Variants in MRPL44 observed in about 807,000 individuals in gnomAD.
MRPL44 encodes the protein large ribosomal subunit protein mL44.
MRPL44 carries 21 observed loss-of-function variants against 25.9 expected under a neutral mutation model. The ratio of observed to expected loss-of-function variants is 0.81; its 90% CI spans 0.58 to 1.17. The LOEUF (loss-of-function observed/expected upper bound fraction) is 1.17, where lower values mean the gene tolerates loss of function less well. MRPL44 is among the 50% of genes most tolerant of loss of function. The pLI, the probability that MRPL44 is intolerant of heterozygous loss-of-function variation, is 0.00. For synonymous variants in MRPL44, 169 were observed against 151.0 expected (o/e 1.12, Z -0.87); for missense variants, 410 against 398.9 (o/e 1.03, Z -0.24).
At chr2:223,956,663 G>A (rs1339219808), upstream of MRPL44, among the ~76,000 whole-genome samples, 2 of 152,238 alleles carry the variant, frequency 1.3e-5, no homozygotes, top group African/African-American at 4.8e-5. Context: ...CTTTAACAAA[G>A]AGATCACAGA....
intron 2 of MRPL44, among the ~76,000 whole-genome samples, chr2:223,960,571 A>T (rs1234772482): frequency 6.6e-6 from 1 of 152,228 alleles, no homozygotes; most frequent in Non-Finnish European, 1.5e-5. Context: ...GATAATAGAG[A>T]GTCCACACAA....
upstream of MRPL44, chr2:223,957,393 T>G (rs1689581926): frequency 1.9e-5 from 30 of 1,569,748 alleles, no homozygotes; most frequent in Middle Eastern, 3.3e-4. Flanking sequence ...CGTTCCGCGT[T>G]CCGGGTTCCG....
In MRPL44 at chr2:223,963,761, C is replaced by T; in HGVS notation, c.654C>T (p.Phe218=). The change falls in exon 3 of 4, where the codon TTC becomes TTT. Residue 218 remains phenylalanine, a synonymous_variant. Transcript: ENST00000258383. Reference sequence around the variant, plus strand: ...AATTATATTTTTATATGCAGGACTTCTTAATTACTCAAATGACTGGAAAAG... The same window carrying T: ...AATTATATTTTTATATGCAGGACTTTTTAATTACTCAAATGACTGGAAAAG... ...PERTALFIRD[F]LITQMTGKEL... The T allele has an allele frequency of 6.3e-7, 1 of 1,584,608 alleles. No individual in the cohort carries two copies. Among genetic ancestry groups the T allele is most frequent in the Non-Finnish European group, 8.6e-7 (1 of 1,167,310 alleles).
Position 223,959,733 on chromosome 2 carries a change from G to A in MRPL44, c.379G>A (p.Glu127Lys), listed in dbSNP as rs149672795. The change falls in exon 2 of 4, where the codon GAA (glutamate) becomes AAA (lysine). Residue 127 changes from glutamate to lysine, a missense_variant. Transcript: ENST00000258383. ...TCTTAAAAGTAATCAAGAACTATCC[G>A]AACAAGGGACATCTTTTTCACAGAC... The part of the protein sequence containing the change: ...LNLKSNQELS[E>K]QGTSFSQTCL... 45 of 1,614,074 alleles carry A rather than the reference G, an allele frequency of 2.8e-5. No homozygotes were observed. In the African/African-American group the frequency reaches 4.7e-4, roughly 17 times the overall value.
upstream of MRPL44, among the ~76,000 whole-genome samples, chr2:223,953,246 T>C (rs544302339): frequency 6.6e-5 from 10 of 151,910 alleles, no homozygotes; most frequent in South Asian, 2.1e-4. Context: ...GCAATTCTCC[T>C]GTCTCAGCCT....
At chr2:223,962,853 C>T (rs186032676) in intron 2 of MRPL44, among the ~76,000 whole-genome samples, 41 of 152,118 alleles carry the variant, frequency 2.7e-4, no homozygotes, top group Admixed American at 2.7e-3. Flanking sequence ...AGGCGTGCAG[C>T]ATCACGCCTG....
At chr2:223,953,422 CG>C (rs1207096206), upstream of MRPL44, among the ~76,000 whole-genome samples, 1 of 147,374 alleles carries the variant, frequency 6.8e-6, no homozygotes, top group African/African-American at 2.7e-5. Context: ...CATGAGCCAC[CG>C]TGCCAGCCCA....
upstream of MRPL44, among the ~76,000 whole-genome samples, chr2:223,953,413 A>G (rs562712664): frequency 6.7e-6 from 1 of 149,838 alleles, no homozygotes; most frequent in East Asian, 1.9e-4. Context: ...GATTACAGGC[A>G]TGAGCCACCG....
chr2:223,962,980 G>A (rs1689687012), intron 2 of MRPL44, among the ~76,000 whole-genome samples: 1 of 152,186 alleles, frequency 6.6e-6, no homozygotes, highest in South Asian at 2.1e-4. Context: ...GGGATTACAG[G>A]TGTGAGCCAC....
intron 1 of MRPL44, 22 bp from the exon 2 acceptor site, chr2:223,959,512 C>G: frequency 1.3e-6 from 2 of 1,565,736 alleles, no homozygotes; most frequent in Non-Finnish European, 1.7e-6. Context: ...TTTACCATCT[C>G]TTACTGTCTT....
Position 223,957,579 on chromosome 2 carries a change from G to A in MRPL44, c.107G>A (p.Arg36His), listed in dbSNP as rs756922509. ...PPVRGVKKGF[R>H]AAFRFQKELE... is the part of the protein sequence containing the mutation. ...GTTCGGGGAGTGAAGAAGGGATTCC[G>A]CGCCGCCTTCCGCTTCCAGAAGGAG... The change falls in exon 1 of 4, where the codon CGC (arginine) becomes CAC (histidine). Residue 36 changes from arginine to histidine, a missense_variant. Arg to His is a conservative substitution (Grantham distance 29, BLOSUM62 0). Transcript: ENST00000258383. 9 of 1,613,634 alleles carry A rather than the reference G, an allele frequency of 5.6e-6. No individual in the cohort carries two copies. In the Admixed American group the frequency reaches 1.2e-4, roughly 21 times the overall value.
chr2:223,966,855 C>T lies in MRPL44; in HGVS notation c.828-8C>T. The T allele has an allele frequency of 6.2e-7, 1 of 1,610,714 alleles. No homozygotes were observed. ...GTAATTTAAGACTACTGTTTGTTCT[C>T]TTTCTAGTGATAAAAAGTTGATTGC... On this transcript the variant is annotated splice_polypyrimidine_tract_variant and splice_region_variant and intron_variant, in intron 3 of 3. Transcript: ENST00000258383.
At position 223,958,887 on chromosome 2, in the gene MRPL44, C is replaced by A. The variant is rs73992134; in HGVS notation, c.180-647C>A. Among the ~76,000 whole-genome samples, 1,364 of 152,118 alleles carry A rather than the reference C, an allele frequency of 9.0e-3. 20 individuals carry two copies. Among genetic ancestry groups the A allele is most frequent in the African/African-American group, 0.031 (1,267 of 41,498 alleles). ...AGTGTCTAAAAAGCAATATATGTAC[C>A]TTAATTTAAAATACTTTATTGCTAA... On this transcript the variant is annotated intron_variant, in intron 1 of 3. Transcript: ENST00000258383.
chr2:223,953,286 C>T (rs1689517441), upstream of MRPL44, among the ~76,000 whole-genome samples: 1 of 151,984 alleles, frequency 6.6e-6, no homozygotes, highest in East Asian at 1.9e-4. Flanking sequence ...AGGCACACAC[C>T]ACCATGTCCA....
chr2:223,955,189 TATCAAGTCAAATTTTCC>T (rs1294733183), upstream of MRPL44, among the ~76,000 whole-genome samples: 2 of 152,362 alleles, frequency 1.3e-5, no homozygotes, highest in African/African-American at 4.8e-5. Context: ...CTTTTAGATC[TATCAAGTCAAATTTTCC>T]ATCAAGTCAA....
rs149074129 is a variant in MRPL44 at position 223,961,614 on chromosome 2, C to A, written c.648+1612C>A. ...AACGGCACTCTTAGCCATGCTACAG[C>A]GTATGTATTTTGATGGTCTTGTGTA... On this transcript the variant is annotated intron_variant, in intron 2 of 3. Coordinates refer to ENST00000258383, the MANE Select transcript of MRPL44 (RefSeq NM_022915.5). 5.6e-3 allele frequency among the ~76,000 whole-genome samples: 851 copies of A among 152,240 alleles called. 8 individuals are homozygous for A. The highest frequency in any genetic ancestry group is 0.02 in the African/African-American group (818 of 41,534).
In MRPL44 at chr2:223,967,278, G is replaced by C. The variant is rs1689757369; in HGVS notation, c.*244G>C. On this transcript the variant is annotated 3_prime_UTR_variant, in exon 4 of 4. Transcript: ENST00000258383. ...GATGGAGTCTTACTCTGTCGCCCAGGCTGGACTGCAGTGGTGCGATCTCGG... is the reference window on the plus strand; with the variant it reads ...GATGGAGTCTTACTCTGTCGCCCAGCCTGGACTGCAGTGGTGCGATCTCGG... The C allele has an allele frequency of 2.6e-6, 1 of 385,814 alleles. No individual in the cohort carries two copies. 23.9% of individuals were successfully genotyped at this position (385,814 alleles called of 1,614,324 possible).
In MRPL44 at chr2:223,957,540, A is replaced by G. The variant is rs760943515; in HGVS notation, c.68A>G (p.Lys23Arg). 32 of 1,613,960 alleles carry G rather than the reference A, an allele frequency of 2.0e-5. No individual in the cohort carries two copies. The highest frequency in any genetic ancestry group is 5.5e-5 in the South Asian group (5 of 91,092). ...TGCCTCCTGGCTCCAGTCGCCCCCA[A>G]GCTGGTCCCTCCGGTTCGGGGAGTG... Reference protein sequence around the residue: ...HRCLLAPVAPKLVPPVRGVKK... With the variant: ...HRCLLAPVAPRLVPPVRGVKK... Residue 23 changes from lysine to arginine, a missense_variant, in exon 1 of 4, where the codon AAG becomes AGG. By Grantham distance (26) the Lys-to-Arg change is conservative. Coordinates refer to ENST00000258383, the MANE Select transcript of MRPL44 (RefSeq NM_022915.5).
Position 223,959,859 on chromosome 2 carries a change from G to T in MRPL44, c.505G>T (p.Val169Leu), listed in dbSNP as rs754983787. The T allele has an allele frequency of 5.6e-5, 91 of 1,614,036 alleles. No homozygotes were observed. The highest frequency in any genetic ancestry group is 8.3e-5 in the Admixed American group (5 of 60,008). Residue 169 changes from valine to leucine, a missense_variant, in exon 2 of 4, where the codon GTG becomes TTG. By Grantham distance (32) the Val-to-Leu change is conservative. Coordinates refer to ENST00000258383, the MANE Select transcript of MRPL44 (RefSeq NM_022915.5). ...CACTGGTGAGGAAGTCGTGTGTCAC[G>T]TGGCTAGAAACTTGGCTGTGGAGCA... is the stretch of plus-strand genomic sequence containing the variant. ...FLTGEEVVCH[V>L]ARNLAVEQLT...
Sources: gnomAD v4.1 joint callset for allele counts (sites outside exome capture counted in the v4.1 genomes callset) on GRCh38, gnomAD v4.1.1 for gene constraint, MANE v1.5 for transcripts, NCBI Gene and HGNC (gene_info 2026-07-23, HGNC 2026-07-21) for gene names.